DENND1B: variants seen among roughly 807,000 people sequenced by gnomAD.
DENND1B encodes DENN domain-containing protein 1B.
Under a neutral mutation model 90.1 loss-of-function variants are expected in DENND1B, and 59 were observed. The observed-to-expected ratio is 0.65, with a 90% confidence interval of 0.53 to 0.81. The LOEUF is 0.81. DENND1B is among the 40% of genes least tolerant of loss of function. The pLI is 0.00. For synonymous variants in DENND1B, 337 were observed against 324.6 expected, an observed-to-expected ratio of 1.04 and a Z score of -0.41; for missense variants, 862 against 912.6, an observed-to-expected ratio of 0.94 and a Z score of 0.71.
chr1:197,604,649 A>G (rs989794992), intron 13 of DENND1B, among the ~76,000 whole-genome samples: 1 of 151,198 alleles, frequency 6.6e-6, no homozygotes, highest in Non-Finnish European at 1.5e-5. Flanking sequence ...ACCCCCCCCA[A>G]TTAAATCTCA....
chr1:197,589,410 T>C (rs1374484643), intron 14 of DENND1B, among the ~76,000 whole-genome samples: 1 of 152,182 alleles, frequency 6.6e-6, no homozygotes, highest in African/African-American at 2.4e-5. Context: ...TCTTTGGTGG[T>C]AACCATCTCT....
chr1:197,596,663 A>C (rs1197620324), intron 13 of DENND1B, among the ~76,000 whole-genome samples: 1 of 151,804 alleles, frequency 6.6e-6, no homozygotes, highest in African/African-American at 2.4e-5. Context: ...CACACAACAC[A>C]TGCACACATA....
At position 197,756,987 on chromosome 1, in the gene DENND1B, T is replaced by TTA. The variant is rs768663083; in HGVS notation, c.82+15879_82+15880dup. On this transcript the variant is annotated intron_variant, in intron 2 of 22. Transcript: ENST00000620048. ...CTATGCCATTATATGTTAAATATAT[T>TTA]TATATATATATATACACACTATATA... 1.1e-3 allele frequency among the ~76,000 whole-genome samples: 161 copies of TTA among 149,390 alleles called. 2 individuals carry two copies. In the Middle Eastern group the frequency reaches 0.018, roughly 16 times the overall value.
intron 21 of DENND1B, among the ~76,000 whole-genome samples, chr1:197,512,223 T>C (rs1668079457): frequency 6.6e-6 from 1 of 151,782 alleles, no homozygotes. Context: ...ACCTTTACTT[T>C]AGGAATATTA....
intron 20 of DENND1B, among the ~76,000 whole-genome samples, chr1:197,518,033 T>G (rs1172859856): frequency 1.3e-5 from 2 of 151,826 alleles, no homozygotes; most frequent in African/African-American, 4.8e-5. Flanking sequence ...TGCCATTACA[T>G]TCTCTCTCCC....
chr1:197,672,743 A>G (rs972824463), intron 4 of DENND1B, among the ~76,000 whole-genome samples: 11 of 152,058 alleles, frequency 7.2e-5, no homozygotes, highest in African/African-American at 2.4e-4. Flanking sequence ...AAATAAGAAT[A>G]TAATTTCTAC....
chr1:197,647,848 C>A (rs1448545808), intron 7 of DENND1B, among the ~76,000 whole-genome samples: 2 of 149,456 alleles, frequency 1.3e-5, no homozygotes, highest in Non-Finnish European at 3.0e-5. Flanking sequence ...CTCAGGAGGC[C>A]AAGGCAGGAG....
intron 20 of DENND1B, 126 bp downstream of exon 20, chr1:197,539,838 C>T (rs922126012): frequency 6.3e-5 from 47 of 741,438 alleles, no homozygotes; most frequent in Non-Finnish European, 8.7e-5. Flanking sequence ...AACTCCTCCC[C>T]TTGACCAATA....
intron 15 of DENND1B, among the ~76,000 whole-genome samples, chr1:197,569,665 G>C (rs1488668425): frequency 6.6e-6 from 1 of 151,788 alleles, no homozygotes; most frequent in African/African-American, 2.4e-5. Flanking sequence ...TCAATCTGGA[G>C]GACATTATGC....
chr1:197,601,209 G>A (rs1300594270), intron 13 of DENND1B, among the ~76,000 whole-genome samples: 11 of 149,548 alleles, frequency 7.4e-5, no homozygotes, highest in Non-Finnish European at 1.2e-4. Context: ...AGCACAATGC[G>A]TGTACATAGT....
chr1:197,718,045 T>G lies in DENND1B; in HGVS notation c.83-2971A>C, dbSNP rs985085709. Among the ~76,000 whole-genome samples, 3 of 152,030 alleles carry G rather than the reference T, an allele frequency of 2.0e-5. No individual in the cohort carries two copies. The East Asian group carries it at 5.8e-4, about 29-fold the overall frequency. On this transcript the variant is annotated intron_variant, in intron 2 of 22. Coordinates refer to ENST00000620048, the MANE Select transcript of DENND1B (RefSeq NM_001195215.2). ...TATACCCACACTGTAGAAGAATATGTATGAAGAAATTGAGGTCAAAACAAT... is the reference window on the plus strand; with the variant it reads ...TATACCCACACTGTAGAAGAATATGGATGAAGAAATTGAGGTCAAAACAAT...
At chr1:197,570,441 G>C (rs983493536) in intron 15 of DENND1B, among the ~76,000 whole-genome samples, 2 of 151,956 alleles carry the variant, frequency 1.3e-5, no homozygotes, top group Non-Finnish European at 2.9e-5. Context: ...AGAGACTTTC[G>C]AAATAAATTT....
chr1:197,703,160 T>C (rs1017411701), intron 3 of DENND1B, among the ~76,000 whole-genome samples: 1 of 151,928 alleles, frequency 6.6e-6, no homozygotes, highest in Non-Finnish European at 1.5e-5. Flanking sequence ...GCTAATTGTT[T>C]TGTTTTTAGT....
intron 1 of DENND1B, among the ~76,000 whole-genome samples, chr1:197,774,299 G>A (rs1397015286): frequency 2.0e-5 from 3 of 150,402 alleles, no homozygotes; most frequent in Admixed American, 6.6e-5. Context: ...AAATTCAAAC[G>A]GCCTTTCACA....
intron 11 of DENND1B, among the ~76,000 whole-genome samples, chr1:197,614,053 C>T (rs1239214172): frequency 7.6e-5 from 11 of 144,018 alleles, no homozygotes; most frequent in Middle Eastern, 3.4e-3. Flanking sequence ...TTTTTTGAGA[C>T]GGAGTCTCGC....
At chr1:197,565,582 G>C (rs1260681813) in intron 15 of DENND1B, among the ~76,000 whole-genome samples, 2 of 150,870 alleles carry the variant, frequency 1.3e-5, no homozygotes, top group African/African-American at 4.9e-5. Flanking sequence ...CTGGTGTGCT[G>C]CACCCATTAA....
At chr1:197,736,571 G>A (rs538131227) in intron 2 of DENND1B, among the ~76,000 whole-genome samples, 11 of 152,280 alleles carry the variant, frequency 7.2e-5, no homozygotes, top group African/African-American at 2.6e-4. Flanking sequence ...TTCCTGGCCT[G>A]AAGCAATCCT....
intron 15 of DENND1B, among the ~76,000 whole-genome samples, chr1:197,566,065 A>G (rs1379972033): frequency 3.9e-5 from 6 of 152,072 alleles, no homozygotes; most frequent in African/African-American, 1.2e-4. Context: ...GAATCGCCAC[A>G]CTGACTTCCA....
intron 15 of DENND1B, among the ~76,000 whole-genome samples, chr1:197,578,486 C>T (rs977641611): frequency 6.6e-6 from 1 of 152,182 alleles, no homozygotes; most frequent in Non-Finnish European, 1.5e-5. Flanking sequence ...CTCAGGTGAT[C>T]CACCCCCATC....
Sources: gnomAD v4.1 joint callset for allele counts (sites outside exome capture counted in the v4.1 genomes callset) on GRCh38, gnomAD v4.1.1 for gene constraint, MANE v1.5 for transcripts, NCBI Gene and HGNC (gene_info 2026-07-23, HGNC 2026-07-21) for gene names.